DYNC2H1: variants seen among roughly 807,000 people sequenced by gnomAD.
The protein encoded by DYNC2H1 is cytoplasmic dynein 2 heavy chain 1.
In DYNC2H1, 410 loss-of-function variants were observed where a neutral mutation model predicts 570.0. The ratio of observed to expected loss-of-function variants is 0.72; its 90% CI spans 0.66 to 0.78. The LOEUF (loss-of-function observed/expected upper bound fraction) is 0.78. Ranked by LOEUF, DYNC2H1 falls within the 30% of genes least tolerant of loss-of-function variation. The pLI is 0.00. For synonymous variants in DYNC2H1, 1,688 were observed against 1,677.6 expected (o/e 1.01, Z -0.15); for missense variants, 4,865 against 5,046.4 (o/e 0.96, Z 1.09).
chr11:103,271,124 G>A (rs1865693480), intron 70 of DYNC2H1, among the ~76,000 whole-genome samples: 3 of 152,110 alleles, frequency 2.0e-5, no homozygotes, highest in African/African-American at 7.2e-5. Context: ...ATTGTATTTA[G>A]TGTGCAAATA....
Position 103,278,780 on chromosome 11 carries a change from T to C in DYNC2H1, c.10696-1568T>C, listed in dbSNP as rs537512990. ...CAGATTTTCACCATGTTGGCCAGGCTGGTCTCGAACTCCTGACCTCAGGTG... is the reference window on the plus strand; with the variant it reads ...CAGATTTTCACCATGTTGGCCAGGCCGGTCTCGAACTCCTGACCTCAGGTG... On this transcript the variant is annotated intron_variant, in intron 70 of 88. Transcript: ENST00000375735. 5.3e-5 allele frequency among the ~76,000 whole-genome samples: 8 copies of C among 152,288 alleles called. No individual in the cohort carries two copies. The South Asian group carries it at 1.7e-3, about 32-fold the overall frequency.
chr11:103,371,756 C>A (rs1941154750), intron 83 of DYNC2H1, among the ~76,000 whole-genome samples: 1 of 151,970 alleles, frequency 6.6e-6, no homozygotes, highest in African/African-American at 2.4e-5. Flanking sequence ...GCAGATAGCT[C>A]ACTATTAGTG....
In DYNC2H1 at chr11:103,228,517, G is replaced by A. The variant is rs1305641649; in HGVS notation, c.9354-2743G>A. 6.6e-6 allele frequency among the ~76,000 whole-genome samples: 1 copy of A among 152,154 alleles called. No individual in the cohort carries two copies. Among genetic ancestry groups the A allele is most frequent in the East Asian group, 1.9e-4 (1 of 5,184 alleles). ...TCTGGGCTGGTGTTGGGGAGTGTCT[G>A]CACAGAGTCCTGTGATGTGATCTGT... On this transcript the variant is annotated intron_variant, in intron 59 of 88. Transcript: ENST00000375735. The surrounding 1 kb of genome is among the most constrained non-coding windows in gnomAD (Gnocchi z 6.1).
chr11:103,340,761 G>A (rs1161129201), intron 82 of DYNC2H1, among the ~76,000 whole-genome samples: 1 of 152,040 alleles, frequency 6.6e-6, no homozygotes, highest in African/African-American at 2.4e-5. Context: ...ACTATTGTCT[G>A]GCCAGCAGTT....
intron 74 of DYNC2H1, among the ~76,000 whole-genome samples, chr11:103,287,074 C>T (rs1203564343): frequency 2.6e-5 from 4 of 152,054 alleles, no homozygotes; most frequent in Admixed American, 6.5e-5. Flanking sequence ...GCTCAGGATT[C>T]GAGGCAGCAG....
In DYNC2H1 at chr11:103,446,693, G is replaced by GGATTTTT. The variant is rs1209127196; in HGVS notation, c.12457-8490_12457-8484dup. Among the ~76,000 whole-genome samples the GGATTTTT allele has an allele frequency of 2.6e-5, 4 of 152,020 alleles. No individual in the cohort carries two copies. In the East Asian group the frequency reaches 7.8e-4, roughly 29 times the overall value. ...GTTTGGTTTTGTTTTTTAATATAGG[G>GGATTTTT]GATTTTTGACCATATCTGTGTTCAC... On this transcript the variant is annotated intron_variant, in intron 85 of 88. Coordinates refer to ENST00000375735, the MANE Select transcript of DYNC2H1 (RefSeq NM_001377.3). This position sits in a 1 kb window ranked among gnomAD's most constrained non-coding sequence, Gnocchi z 4.5.
At chr11:103,348,305 G>T (rs1939858947) in intron 82 of DYNC2H1, among the ~76,000 whole-genome samples, 2 of 151,944 alleles carry the variant, frequency 1.3e-5, no homozygotes, top group African/African-American at 4.8e-5. Flanking sequence ...CTTTATTGGG[G>T]TTAATTAGCA....
At chr11:103,394,534 A>G (rs997775184) in intron 83 of DYNC2H1, among the ~76,000 whole-genome samples, 2 of 152,006 alleles carry the variant, frequency 1.3e-5, no homozygotes, top group Non-Finnish European at 2.9e-5. Context: ...GAGGCTCAAT[A>G]CCAAGAGGAG....
Position 103,381,310 on chromosome 11 carries a change from C to A in DYNC2H1, c.12157-18353C>A, listed in dbSNP as rs549223474. On this transcript the variant is annotated intron_variant, in intron 83 of 88. Transcript: ENST00000375735. ...ATAGATGTGATCACAGTTTTTGAAACATGTGGACTTTTCATAGATTAAACA... is the reference window on the plus strand; with the variant it reads ...ATAGATGTGATCACAGTTTTTGAAAAATGTGGACTTTTCATAGATTAAACA... Among the ~76,000 whole-genome samples the A allele has an allele frequency of 1.1e-4, 17 of 152,226 alleles. No homozygotes were observed. The South Asian group carries it at 3.5e-3, about 32-fold the overall frequency.
At chr11:103,344,042 ATC>A (rs1390403631) in intron 82 of DYNC2H1, among the ~76,000 whole-genome samples, 1 of 152,330 alleles carries the variant, frequency 6.6e-6, no homozygotes. Context: ...GAGTCAGTGA[ATC>A]TCTAGAGCAA....
At chr11:103,400,486 A>T (rs1003701450) in intron 84 of DYNC2H1, among the ~76,000 whole-genome samples, 7 of 152,210 alleles carry the variant, frequency 4.6e-5, no homozygotes, top group Non-Finnish European at 8.8e-5. Context: ...TTGTGCTGAA[A>T]AATTGGACCA....
intron 61 of DYNC2H1, among the ~76,000 whole-genome samples, 193 bp from the exon 62 acceptor site, chr11:103,235,479 G>C (rs1864185021): frequency 6.6e-6 from 1 of 151,688 alleles, no homozygotes; most frequent in African/African-American, 2.4e-5. Flanking sequence ...AATATATTAG[G>C]ATTTTATACT....
In DYNC2H1 at chr11:103,472,252, C is replaced by T. The variant is rs994312; in HGVS notation, c.12765+3547C>T. On this transcript the variant is annotated intron_variant, in intron 88 of 88. Coordinates refer to ENST00000375735, the MANE Select transcript of DYNC2H1 (RefSeq NM_001377.3). The surrounding 1 kb of genome is among the most constrained non-coding windows in gnomAD (Gnocchi z 4.1). ...CAAGAATTTAGAACAGGGCCAGGCA[C>T]GGTGGCTCACACCTGTAATCCCATC... 0.67 allele frequency among the ~76,000 whole-genome samples: 102,047 copies of T among 151,886 alleles called. 35,269 individuals are homozygous for T. The highest frequency in any genetic ancestry group is 0.81 in the Middle Eastern group (237 of 292).
chr11:103,401,436 G>A (rs973368729), intron 84 of DYNC2H1, among the ~76,000 whole-genome samples: 1 of 152,146 alleles, frequency 6.6e-6, no homozygotes, highest in African/African-American at 2.4e-5. Context: ...GGTACACAAT[G>A]AAGTATAATT....
Position 103,199,460 on chromosome 11 carries a change from A to G in DYNC2H1, c.8072A>G (p.Lys2691Arg). 6.3e-7 allele frequency: 1 copy of G among 1,577,468 alleles called. No individual in the cohort carries two copies. The highest frequency in any genetic ancestry group is 1.2e-5 in the South Asian group (1 of 82,786). Residue 2691 changes from lysine (K) to arginine (R), a missense_variant, in exon 49 of 89, where the codon AAA (lysine) becomes AGA (arginine). By Grantham distance (26) the Lys-to-Arg change is conservative. Coordinates refer to ENST00000375735, the MANE Select transcript of DYNC2H1 (RefSeq NM_001377.3). This position sits in a 1 kb window ranked among gnomAD's most constrained non-coding sequence, Gnocchi z 4.6. The stretch of plus-strand genomic sequence containing the variant: ...AGAGGATATGAACTGAAGCAGTTCA[A>G]AAATGATCTCAAACATGTGAGTTGC... ...ISRGYELKQF[K>R]NDLKHVLQLA...
intron 70 of DYNC2H1, among the ~76,000 whole-genome samples, chr11:103,273,097 G>T (rs900332931): frequency 2.7e-5 from 4 of 150,806 alleles, no homozygotes; most frequent in African/African-American, 9.7e-5. Flanking sequence ...TATTCAGAAA[G>T]CCTTAATTTA....
intron 85 of DYNC2H1, among the ~76,000 whole-genome samples, chr11:103,440,878 C>T (rs1944244719): frequency 6.6e-6 from 1 of 152,110 alleles, no homozygotes; most frequent in Admixed American, 6.6e-5. Flanking sequence ...ATCCGTACTA[C>T]CACTACCTCG....
At position 103,201,447 on chromosome 11, in the gene DYNC2H1, C is replaced by G. The variant is rs1565391366; in HGVS notation, c.8197+1293C>G. 6.6e-6 allele frequency among the ~76,000 whole-genome samples: 1 copy of G among 152,144 alleles called. No individual in the cohort carries two copies. ...AGCACTGTCCATTTATATTCCTCAG[C>G]ATTTCTCACCCCTAATTGCACGTTA... On this transcript the variant is annotated intron_variant, in intron 50 of 88. Coordinates refer to ENST00000375735, the MANE Select transcript of DYNC2H1 (RefSeq NM_001377.3). The surrounding 1 kb of genome is among the most constrained non-coding windows in gnomAD (Gnocchi z 4.8).
chr11:103,437,639 T>C (rs1432454899), intron 85 of DYNC2H1, among the ~76,000 whole-genome samples: 1 of 152,176 alleles, frequency 6.6e-6, no homozygotes, highest in Admixed American at 6.6e-5. Flanking sequence ...TATCACTAAA[T>C]GCTGGAAGGA....
Sources: allele counts gnomAD v4.1 joint callset (sites outside exome capture counted in the v4.1 genomes callset), GRCh38; gene constraint gnomAD v4.1.1; non-coding constraint Gnocchi (gnomAD v3.1); transcripts MANE v1.5; gene names NCBI Gene and HGNC (gene_info 2026-07-23, HGNC 2026-07-21).